The following TJP1 variants were observed in gnomAD, a reference collection of about 807,000 sequenced individuals.
The protein encoded by TJP1 is tight junction protein 1.
TJP1 carries 43 observed loss-of-function variants against 194.2 expected under a neutral mutation model. That is an observed-to-expected ratio of 0.22 (90% confidence interval 0.17 to 0.29). The LOEUF (loss-of-function observed/expected upper bound fraction) is 0.29, where lower values mean the gene tolerates loss of function less well. TJP1 is among the 10% of genes least tolerant of loss of function. TJP1 has a pLI of 1.00. For missense variants in TJP1, 1,971 were observed against 2,185.7 expected, an observed-to-expected ratio of 0.90 and a Z score of 1.96; for synonymous variants, 801 against 779.0, an observed-to-expected ratio of 1.03 and a Z score of -0.47.
At chr15:29,968,609 C>A in intron 1 of TJP1, 1 of 959,592 alleles carries the variant, frequency 1.0e-6, no homozygotes, top group South Asian at 4.5e-5. Context: ...CCACTCCGGC[C>A]CCCGCCCCGC....
rs2046341887 is a variant in TJP1, at chr15:29,766,512, G to T, written c.343C>A (p.Pro115Thr). The change falls in exon 5 of 28, where the codon CCA (proline) becomes ACA (threonine). Residue 115 changes from proline (P) to threonine (T), a missense_variant. Physicochemically the swap from Pro to Thr is conservative, Grantham distance 38. Around this residue, in one of 5 missense-constraint regions of TJP1, gnomAD observed 245 missense variants for 336.6 expected, o/e 0.73. Coordinates refer to ENST00000614355, the MANE Select transcript of TJP1 (RefSeq NM_001330239.4). ...TIRRKKKVQI[P>T]VSRPDPEPVS... is the part of the protein sequence containing the mutation. ...GGTTCAGGATCAGGACGACTTACTG[G>T]TATTTGAACTTTCTTCTTCCTTCTA... The T allele has an allele frequency of 3.2e-6, 5 of 1,573,738 alleles. No homozygotes were observed. Among genetic ancestry groups the T allele is most frequent in the Non-Finnish European group, 4.3e-6 (5 of 1,161,190 alleles).
At chr15:29,820,546 G>C (rs1412293185) in intron 1 of TJP1, 3 of 716,814 alleles carry the variant, frequency 4.2e-6, no homozygotes, top group Non-Finnish European at 7.8e-6. Context: ...GCAATCCATT[G>C]AAAACGTATT....
At chr15:29,854,517 C>G (rs543697055) in intron 2 of TJP1, among the ~76,000 whole-genome samples, 2 of 152,220 alleles carry the variant, frequency 1.3e-5, no homozygotes, top group East Asian at 3.9e-4. Context: ...TATGACCACA[C>G]GTCCAGGAAT....
upstream of TJP1, among the ~76,000 whole-genome samples, chr15:29,825,315 C>G (rs2050643509): frequency 6.6e-6 from 1 of 152,170 alleles, no homozygotes; most frequent in Non-Finnish European, 1.5e-5. Context: ...GGAAGAAATA[C>G]AAGTTAATTA....
intron 1 of TJP1, among the ~76,000 whole-genome samples, chr15:29,805,482 T>C (rs2049050275): frequency 6.6e-6 from 1 of 152,196 alleles, no homozygotes; most frequent in African/African-American, 2.4e-5. Flanking sequence ...ACACAGCCAG[T>C]TAAATTTTAC....
rs1567132119 is a variant in TJP1 at position 29,849,439 on chromosome 15, T to TAA, written c.307-48738_307-48737insTT. On this transcript the variant is annotated intron_variant, in intron 2 of 28. Transcript: ENST00000356107. Reference sequence around the variant, plus strand: ...ACTTCTTTTTAAAAACAAATTTTATTTAAAAAAAAAAAAAAAAGACCAGGC... The same window carrying TAA: ...ACTTCTTTTTAAAAACAAATTTTATTAATAAAAAAAAAAAAAAAAGACCAGGC... 2.3e-3 allele frequency among the ~76,000 whole-genome samples: 315 copies of TAA among 138,918 alleles called. 2 individuals carry two copies. The highest frequency in any genetic ancestry group is 8.3e-3 in the African/African-American group (303 of 36,306). 91.1% of individuals were successfully genotyped at this position (138,918 alleles called of 152,430 possible).
intron 2 of TJP1, among the ~76,000 whole-genome samples, chr15:29,953,725 G>A (rs1348427290): frequency 5.9e-5 from 9 of 152,046 alleles, no homozygotes; most frequent in Admixed American, 2.0e-4. Flanking sequence ...GCTCCACCAC[G>A]CATGACCTCA....
At chr15:29,769,807 T>C (rs529778680) in intron 4 of TJP1, among the ~76,000 whole-genome samples, 1 of 152,308 alleles carries the variant, frequency 6.6e-6, no homozygotes, top group South Asian at 2.1e-4. Flanking sequence ...AGATACAATA[T>C]GTACAGAATA....
chr15:29,942,910 C>T (rs1481761426), intron 2 of TJP1, among the ~76,000 whole-genome samples: 1 of 152,146 alleles, frequency 6.6e-6, no homozygotes, highest in Non-Finnish European at 1.5e-5. Context: ...TAAGTGAATA[C>T]TCTCTGTATT....
intron 23 of TJP1, among the ~76,000 whole-genome samples, chr15:29,716,293 C>A (rs1031669710): frequency 6.6e-6 from 1 of 152,160 alleles, no homozygotes; most frequent in Non-Finnish European, 1.5e-5. Flanking sequence ...GAAAAAGAAC[C>A]AGCATGACAT....
intron 22 of TJP1, 58 bp from the exon 23 acceptor site, chr15:29,716,896 A>C: frequency 7.0e-7 from 1 of 1,425,598 alleles, no homozygotes; most frequent in Non-Finnish European, 9.7e-7. Context: ...TTATGAAGGA[A>C]GTAGAATATG....
At chr15:29,747,298 A>G (rs1035376808) in intron 8 of TJP1, among the ~76,000 whole-genome samples, 1 of 152,170 alleles carries the variant, frequency 6.6e-6, no homozygotes, top group African/African-American at 2.4e-5. Flanking sequence ...AAATAAATAA[A>G]TAAATACAAT....
chr15:29,723,318 C>T (rs2151163465), intron 18 of TJP1, among the ~76,000 whole-genome samples: 1 of 152,264 alleles, frequency 6.6e-6, no homozygotes, highest in African/African-American at 2.4e-5. Context: ...TGGTTTAGCA[C>T]CATCCCCCTA....
At chr15:29,948,723 C>T (rs1596307436) in intron 2 of TJP1, among the ~76,000 whole-genome samples, 1 of 152,160 alleles carries the variant, frequency 6.6e-6, no homozygotes, top group African/African-American at 2.4e-5. Context: ...ATTCAATTAG[C>T]CCTGAAGAAC....
chr15:29,953,139 G>GTTTT (rs1406936700), intron 2 of TJP1, among the ~76,000 whole-genome samples: 1 of 64,734 alleles, frequency 1.5e-5, no homozygotes. Flanking sequence ...AAAGAAGACA[G>GTTTT]ATTTTTTTTT....
intron 18 of TJP1, 123 bp from the exon 19 acceptor site, chr15:29,720,831 C>T: frequency 1.3e-6 from 1 of 778,504 alleles, no homozygotes; most frequent in Non-Finnish European, 2.0e-6. Flanking sequence ...CTTCTTGAAA[C>T]TTCTGGTAAG....
intron 2 of TJP1, among the ~76,000 whole-genome samples, chr15:29,952,564 T>G (rs369934813): frequency 1.0e-3 from 159 of 152,254 alleles, no homozygotes; most frequent in African/African-American, 3.6e-3. Flanking sequence ...AGCAAGTGGA[T>G]CTCTTGCTCC....
chr15:29,703,444 C>G (rs1037223156), intron 27 of TJP1, among the ~76,000 whole-genome samples: 3 of 151,566 alleles, frequency 2.0e-5, no homozygotes, highest in African/African-American at 7.3e-5. Context: ...CCTCAAAAAA[C>G]CAAATCAAAA....
intron 2 of TJP1, among the ~76,000 whole-genome samples, chr15:29,797,231 C>G (rs1480812901): frequency 3.3e-5 from 5 of 152,184 alleles, no homozygotes; most frequent in Non-Finnish European, 7.3e-5. Context: ...GTCATTGCAA[C>G]CTCTGCCTCC....
Sources: gnomAD v4.1 joint callset for allele counts (sites outside exome capture counted in the v4.1 genomes callset) on GRCh38, gnomAD v4.1.1 for gene constraint, gnomAD v4.1.1 regional missense constraint, MANE v1.5 for transcripts, NCBI Gene and HGNC (gene_info 2026-07-23, HGNC 2026-07-21) for gene names.